The following DAB1 variants were observed in gnomAD, a reference collection of about 807,000 sequenced individuals.
DAB1 encodes the protein DAB adaptor protein 1.
In DAB1, 15 loss-of-function variants were observed where a neutral mutation model predicts 64.6. The observed-to-expected ratio is 0.23, with a 90% CI of 0.16 to 0.36. The LOEUF is 0.36. Ranked by LOEUF, DAB1 falls within the 10% of genes least tolerant of loss-of-function variation. DAB1 has a pLI of 1.00. For missense variants in DAB1, 596 were observed against 706.7 expected (o/e 0.84, Z 1.78); for synonymous variants, 235 against 251.9 (o/e 0.93, Z 0.64).
chr1:57,921,803 A>G (rs1217050845), intron 5 of DAB1, among the ~76,000 whole-genome samples: 2 of 152,062 alleles, frequency 1.3e-5, no homozygotes, highest in Non-Finnish European at 2.9e-5. Flanking sequence ...TTTTTATCTA[A>G]CGCAGTAACA....
chr1:57,818,338 C>T lies in DAB1; in HGVS notation n.551+65661G>A, dbSNP rs111425705. ...TCAAACCCCGAGTCTCACTACACTTCTAACGCCCCATGTCCCTAAACATTT... is the reference window on the plus strand; with the variant it reads ...TCAAACCCCGAGTCTCACTACACTTTTAACGCCCCATGTCCCTAAACATTT... On this transcript the variant is annotated intron_variant and non_coding_transcript_variant, in intron 6 of 20. Transcript: ENST00000485760. 2.4e-3 allele frequency among the ~76,000 whole-genome samples: 362 copies of T among 152,304 alleles called. 3 individuals carry two copies. Among genetic ancestry groups the T allele is most frequent in the Middle Eastern group, 0.01 (3 of 292 alleles).
intron 3 of DAB1, among the ~76,000 whole-genome samples, chr1:58,469,261 C>T (rs1234909267): frequency 3.9e-5 from 6 of 152,160 alleles, no homozygotes; most frequent in Non-Finnish European, 8.8e-5. Context: ...CATTGCATAA[C>T]ATTGTATAAG....
At chr1:57,114,603 A>G (rs968786008) in intron 4 of DAB1, among the ~76,000 whole-genome samples, 1 of 152,230 alleles carries the variant, frequency 6.6e-6, no homozygotes, top group Non-Finnish European at 1.5e-5. Context: ...GCACTTCAGT[A>G]TGAAGGAAAA....
chr1:57,023,611 A>G lies in DAB1; in HGVS notation c.815T>C (p.Ile272Thr). ...PTPATPGDAF[I>T]PSSSQTLPAS... Reference sequence around the variant, plus strand: ...TGGAAGGGTCTGAGATGAAGATGGGATAAAGGCATCACCTGGAGTTGCAGG... The same window carrying G: ...TGGAAGGGTCTGAGATGAAGATGGGGTAAAGGCATCACCTGGAGTTGCAGG... The change falls in exon 11 of 15, where the codon ATC (isoleucine) becomes ACC (threonine). Residue 272 changes from isoleucine to threonine, a missense_variant. By Grantham distance (89) the Ile-to-Thr change is moderately conservative. Around this residue, in one of 3 missense-constraint regions of DAB1, gnomAD observed 377 missense variants for 400.4 expected, o/e 0.94. Transcript: ENST00000371236. 6.2e-7 allele frequency: 1 copy of G among 1,612,586 alleles called. No individual in the cohort carries two copies.
At chr1:57,135,539 A>G (rs1055452344) in intron 4 of DAB1, among the ~76,000 whole-genome samples, 3 of 152,206 alleles carry the variant, frequency 2.0e-5, no homozygotes, top group Non-Finnish European at 4.4e-5. Context: ...CCTTTTGGCT[A>G]CTGAAAGTAA....
intron 6 of DAB1, among the ~76,000 whole-genome samples, chr1:57,740,680 T>C (rs1316221594): frequency 6.6e-6 from 1 of 152,152 alleles, no homozygotes; most frequent in Non-Finnish European, 1.5e-5. Flanking sequence ...AGTAAATGTA[T>C]GTAAATATAG....
At chr1:58,363,580 T>G (rs985858195) in intron 3 of DAB1, among the ~76,000 whole-genome samples, 1 of 152,202 alleles carries the variant, frequency 6.6e-6, no homozygotes, top group Non-Finnish European at 1.5e-5. Context: ...AAGCTTTGCC[T>G]TTTTTTCCCT....
chr1:57,066,111 A>G (rs984943823), intron 8 of DAB1, among the ~76,000 whole-genome samples: 2 of 152,176 alleles, frequency 1.3e-5, no homozygotes, highest in Non-Finnish European at 2.9e-5. Flanking sequence ...CTGGAGACTC[A>G]TCATTTAAAA....
chr1:57,136,203 C>A (rs61765325), intron 4 of DAB1, among the ~76,000 whole-genome samples: 1,529 of 152,254 alleles, frequency 0.01, 26 homozygotes, highest in East Asian at 0.056. Flanking sequence ...CATGTATCTC[C>A]CTCTAGGACG....
At chr1:57,925,069 A>G (rs1349903432) in intron 5 of DAB1, among the ~76,000 whole-genome samples, 1 of 152,222 alleles carries the variant, frequency 6.6e-6, no homozygotes, top group African/African-American at 2.4e-5. Flanking sequence ...TGTTAAATAC[A>G]GAATAATGGG....
At chr1:57,898,183 T>C (rs1644419947) in intron 5 of DAB1, among the ~76,000 whole-genome samples, 1 of 152,124 alleles carries the variant, frequency 6.6e-6, no homozygotes, top group African/African-American at 2.4e-5. Context: ...AACAATGCAA[T>C]GAAGTAGATA....
rs367897659 is a variant in DAB1 at position 57,922,845 on chromosome 1, C to CAAAAAAAAAAAAAA, written n.388-38697_388-38684dup. 9.9e-3 allele frequency among the ~76,000 whole-genome samples: 447 copies of CAAAAAAAAAAAAAA among 44,990 alleles called. 37 individuals carry two copies. The highest frequency in any genetic ancestry group is 0.018 in the East Asian group (19 of 1,080). The allele number at this position is 44,990 out of a possible 152,430, so 29.5% of individuals were successfully genotyped here. A position where few individuals can be genotyped will look rare whatever the true frequency, so the allele number is the denominator to read the frequency against. On this transcript the variant is annotated intron_variant and non_coding_transcript_variant, in intron 5 of 20. Transcript: ENST00000485760. ...TGGGTGACAAAGCGAGACTCCATCT[C>CAAAAAAAAAAAAAA]AAAAAAAAAAAAAAAAAAAAAAAGA...
chr1:57,224,910 C>T (rs899329259), intron 2 of DAB1, among the ~76,000 whole-genome samples: 1 of 151,822 alleles, frequency 6.6e-6, no homozygotes, highest in Non-Finnish European at 1.5e-5. Flanking sequence ...ATCATGTGGT[C>T]AAAAGATTTA....
At chr1:57,606,655 G>A (rs1182824883) in intron 7 of DAB1, among the ~76,000 whole-genome samples, 1,566 of 75,738 alleles carry the variant, frequency 0.021, 51 homozygotes, top group African/African-American at 0.073. Context: ...TATATATTAT[G>A]TATGAAATAT....
intron 5 of DAB1, among the ~76,000 whole-genome samples, chr1:58,113,926 G>C (rs1394647760): frequency 6.6e-6 from 1 of 151,918 alleles, no homozygotes; most frequent in Non-Finnish European, 1.5e-5. Context: ...CCCCCCCAAA[G>C]TGAGAGACAC....
In DAB1 at chr1:57,120,341, G is replaced by T. The variant is rs75279263; in HGVS notation, c.306+16202C>A. On this transcript the variant is annotated intron_variant, in intron 4 of 14. Coordinates refer to ENST00000371236, the MANE Select transcript of DAB1 (RefSeq NM_001365792.1). ...AGCACCTTCTATCTACAAGGTAAGGGTTTAGTACTGTGAACACACCGGTGA... is the reference window on the plus strand; with the variant it reads ...AGCACCTTCTATCTACAAGGTAAGGTTTTAGTACTGTGAACACACCGGTGA... 5.5e-3 allele frequency among the ~76,000 whole-genome samples: 836 copies of T among 152,222 alleles called. 9 individuals carry two copies. The highest frequency in any genetic ancestry group is 0.019 in the African/African-American group (801 of 41,522).
intron 1 of DAB1, among the ~76,000 whole-genome samples, chr1:57,317,987 A>C (rs562166101): frequency 2.6e-5 from 4 of 152,152 alleles, no homozygotes; most frequent in African/African-American, 7.2e-5. Flanking sequence ...TGCGTTTGTA[A>C]ATTTTACAGT....
chr1:58,246,101 T>TA (rs1002735799), intron 4 of DAB1, among the ~76,000 whole-genome samples: 15 of 142,488 alleles, frequency 1.1e-4, no homozygotes, highest in East Asian at 2.1e-4. Flanking sequence ...TTTGAATTTC[T>TA]AAAAAAAAAG....
At chr1:57,306,511 G>T (rs1054662711) in intron 1 of DAB1, among the ~76,000 whole-genome samples, 1 of 144,440 alleles carries the variant, frequency 6.9e-6, no homozygotes, top group Non-Finnish European at 1.5e-5. Context: ...TCTTAGAACA[G>T]GCTTTTTTTT....
Sources: gnomAD v4.1 joint callset for allele counts (sites outside exome capture counted in the v4.1 genomes callset) on GRCh38, gnomAD v4.1.1 for gene constraint, gnomAD v4.1.1 regional missense constraint, MANE v1.5 for transcripts, NCBI Gene and HGNC (gene_info 2026-07-23, HGNC 2026-07-21) for gene names.